PPARGC1A: variants seen among roughly 807,000 people sequenced by gnomAD.
PPARGC1A encodes the protein PPARG coactivator 1 alpha.
PPARGC1A carries 25 observed loss-of-function variants against 88.7 expected under a neutral mutation model. The ratio of observed to expected loss-of-function variants is 0.28; its 90% CI spans 0.21 to 0.39. The LOEUF is 0.39. Ranked by LOEUF, PPARGC1A falls within the 10% of genes least tolerant of loss-of-function variation. The probability of loss-of-function intolerance (pLI) is 1.00; values close to 1 mark genes in which losing one functional copy is unlikely to be tolerated. For synonymous variants in PPARGC1A, 363 were observed against 355.6 expected (o/e 1.02, Z -0.24); for missense variants, 880 against 968.7 (o/e 0.91, Z 1.22).
chr4:24,301,516 T>G, the PPARGC1A span, among the ~76,000 whole-genome samples: 1 of 151,554 alleles, frequency 6.6e-6, no homozygotes, highest in East Asian at 1.9e-4. Context: ...CCACATCAGT[T>G]GAGAGCGGTT....
the PPARGC1A span, among the ~76,000 whole-genome samples, chr4:23,969,217 C>T: frequency 6.6e-6 from 1 of 152,156 alleles, no homozygotes; most frequent in African/African-American, 2.4e-5. Context: ...CGATAAATGT[C>T]TGTTTAGAGT....
the PPARGC1A span, among the ~76,000 whole-genome samples, chr4:24,228,276 T>G: frequency 6.6e-6 from 1 of 152,160 alleles, no homozygotes; most frequent in Non-Finnish European, 1.5e-5. Context: ...TCTCAATTTG[T>G]TCAAAGCCCA....
rs1245478964 is a variant in PPARGC1A at position 23,793,269 on chromosome 4, A to T, written c.*2553T>A. Reference sequence around the variant, plus strand: ...GCGTTCACACAGTTAAAATACCTGCATTTAACCTACAGAACAACAAGAATT... The same window carrying T: ...GCGTTCACACAGTTAAAATACCTGCTTTTAACCTACAGAACAACAAGAATT... On this transcript the variant is annotated 3_prime_UTR_variant, in exon 13 of 13. Coordinates refer to ENST00000264867, the MANE Select transcript of PPARGC1A (RefSeq NM_013261.5). The T allele has an allele frequency of 3.3e-5, 5 of 152,592 alleles. No homozygotes were observed. The highest frequency in any genetic ancestry group is 3.3e-4 in the Admixed American group (5 of 15,262). 9.5% of individuals were successfully genotyped at this position (152,592 alleles called of 1,614,324 possible). A position where few individuals can be genotyped will look rare whatever the true frequency, so the allele number is the denominator to read the frequency against.
intron 2 of PPARGC1A, among the ~76,000 whole-genome samples, chr4:23,837,147 G>A (rs1397045613): frequency 1.3e-5 from 2 of 152,092 alleles, no homozygotes; most frequent in Non-Finnish European, 2.9e-5. Context: ...CTCTCTTAAT[G>A]TGAATTAGGC....
At chr4:24,060,134 A>G in the PPARGC1A span, among the ~76,000 whole-genome samples, 1 of 152,204 alleles carries the variant, frequency 6.6e-6, no homozygotes, top group Admixed American at 6.5e-5. Flanking sequence ...AGCTCTGAAG[A>G]TGTGAATAAA....
the PPARGC1A span, among the ~76,000 whole-genome samples, chr4:24,443,722 A>ATTTT: frequency 7.0e-6 from 1 of 143,600 alleles, no homozygotes; most frequent in East Asian, 2.1e-4. Context: ...TGCCCGGCTA[A>ATTTT]TTTTTTTTTT....
chr4:24,420,720 C>T, the PPARGC1A span, among the ~76,000 whole-genome samples: 3 of 152,308 alleles, frequency 2.0e-5, no homozygotes, highest in South Asian at 6.2e-4. Flanking sequence ...TCCCCTACCA[C>T]TTGGCACATT....
the PPARGC1A span, among the ~76,000 whole-genome samples, chr4:24,375,756 G>A: frequency 6.6e-6 from 1 of 152,136 alleles, no homozygotes; most frequent in Admixed American, 6.5e-5. Flanking sequence ...GCCCACTTTA[G>A]ACAGGGCTCA....
rs187764990 is a variant in PPARGC1A at position 23,838,705 on chromosome 4, A to T, written c.235-6954T>A. 2.2e-4 allele frequency among the ~76,000 whole-genome samples: 33 copies of T among 152,260 alleles called. No individual in the cohort carries two copies. The East Asian group carries it at 5.8e-3, about 27-fold the overall frequency. On this transcript the variant is annotated intron_variant, in intron 2 of 12. Coordinates refer to ENST00000264867, the MANE Select transcript of PPARGC1A (RefSeq NM_013261.5). ...TTGCTGGAATTTGTGGGCCGGTAGA[A>T]ATAACATAAATTTTAATTTCACTGT... is the stretch of plus-strand genomic sequence containing the variant.
At chr4:24,044,425 T>C in the PPARGC1A span, among the ~76,000 whole-genome samples, 1 of 151,862 alleles carries the variant, frequency 6.6e-6, no homozygotes, top group African/African-American at 2.4e-5. Flanking sequence ...TACAGCATCA[T>C]TAGTCAAAAT....
At chr4:24,364,693 A>G in the PPARGC1A span, among the ~76,000 whole-genome samples, 2 of 152,214 alleles carry the variant, frequency 1.3e-5, no homozygotes, top group African/African-American at 2.4e-5. Flanking sequence ...TTATTCATTT[A>G]TATATTTCTG....
At chr4:23,946,789 G>A in the PPARGC1A span, among the ~76,000 whole-genome samples, 1 of 151,398 alleles carries the variant, frequency 6.6e-6, no homozygotes, top group Non-Finnish European at 1.5e-5. Context: ...TTTCTTTCTT[G>A]GTGGGGAGAT....
chr4:24,414,892 T>G, the PPARGC1A span, among the ~76,000 whole-genome samples: 1 of 152,034 alleles, frequency 6.6e-6, no homozygotes, highest in Non-Finnish European at 1.5e-5. Flanking sequence ...AGGCTGACCT[T>G]GATGATGAAA....
rs41404145 is a variant in PPARGC1A, at chr4:23,813,213, T to C, written c.1794-88A>G. 1.6e-4 allele frequency: 175 copies of C among 1,083,706 alleles called. 1 individual carries two copies. The East Asian group carries it at 3.7e-3, about 23-fold the overall frequency. The allele number at this position is 1,083,706 out of a possible 1,614,324, so 67.1% of individuals were successfully genotyped here. ...CACTGTGGAGCATCCTCTGGGACAC[T>C]GTATTACAGAGACTGGCTTTTTCTT... On this transcript the variant is annotated intron_variant, in intron 8 of 12. Coordinates refer to ENST00000264867, the MANE Select transcript of PPARGC1A (RefSeq NM_013261.5).
At chr4:24,438,103 G>T in the PPARGC1A span, among the ~76,000 whole-genome samples, 1 of 152,172 alleles carries the variant, frequency 6.6e-6, no homozygotes, top group Non-Finnish European at 1.5e-5. Flanking sequence ...TGGACCAGGG[G>T]TCGCCAGGGA....
chr4:23,874,620 C>T (rs890323461), intron 2 of PPARGC1A, among the ~76,000 whole-genome samples: 4 of 151,936 alleles, frequency 2.6e-5, no homozygotes, highest in Non-Finnish European at 5.9e-5. Context: ...ACTCTCACTA[C>T]GCTTTGTAAA....
chr4:24,404,959 A>T, the PPARGC1A span, among the ~76,000 whole-genome samples: 2 of 152,122 alleles, frequency 1.3e-5, no homozygotes, highest in Non-Finnish European at 2.9e-5. Context: ...TCCTTCAATG[A>T]TCACTTACGC....
chr4:24,423,024 T>C, the PPARGC1A span, among the ~76,000 whole-genome samples: 5 of 152,308 alleles, frequency 3.3e-5, no homozygotes, highest in East Asian at 9.6e-4. Flanking sequence ...TGAACAGTTG[T>C]AGAGATTTTC....
the PPARGC1A span, among the ~76,000 whole-genome samples, chr4:24,159,876 G>A: frequency 1.3e-5 from 2 of 152,196 alleles, no homozygotes; most frequent in Admixed American, 6.5e-5. Context: ...AATTAGCTGG[G>A]AAGTCAGTGG....
Sources: gnomAD v4.1 joint callset for allele counts (sites outside exome capture counted in the v4.1 genomes callset) on GRCh38, gnomAD v4.1.1 for gene constraint, MANE v1.5 for transcripts, NCBI Gene and HGNC (gene_info 2026-07-23, HGNC 2026-07-21) for gene names.